Variants in ERICH6B observed in about 807,000 individuals in gnomAD.
ERICH6B encodes the protein glutamate-rich protein 6B.
Under a neutral mutation model 80.0 loss-of-function variants are expected in ERICH6B, and 69 were observed. The observed-to-expected ratio is 0.86, with a 90% CI of 0.71 to 1.05. ERICH6B has a LOEUF of 1.05. ERICH6B is among the 50% of genes least tolerant of loss of function. The pLI, the probability that ERICH6B is intolerant of heterozygous loss-of-function variation, is 0.00. For missense variants in ERICH6B, 754 were observed against 796.1 expected (o/e 0.95, Z 0.64); for synonymous variants, 283 against 291.9 (o/e 0.97, Z 0.31).
chr13:45,575,404 T>A (rs1490250740), intron 7 of ERICH6B, among the ~76,000 whole-genome samples: 2 of 151,914 alleles, frequency 1.3e-5, no homozygotes, highest in Admixed American at 6.6e-5. Context: ...AAGTTGCACA[T>A]CCCGAGGGGA....
At chr13:45,573,424 T>C (rs1450911288) in intron 8 of ERICH6B, among the ~76,000 whole-genome samples, 1 of 152,234 alleles carries the variant, frequency 6.6e-6, no homozygotes, top group Non-Finnish European at 1.5e-5. Flanking sequence ...ACAGCAGTTA[T>C]TTCATTAAGG....
At chr13:45,562,767 T>G (rs920110473) in intron 10 of ERICH6B, among the ~76,000 whole-genome samples, 1 of 152,084 alleles carries the variant, frequency 6.6e-6, no homozygotes, top group Non-Finnish European at 1.5e-5. Context: ...AAGCACTGTG[T>G]GGTTGGAGGC....
In ERICH6B at chr13:45,580,006, A is replaced by G. The variant is rs140020807; in HGVS notation, c.920-32T>C. On this transcript the variant is annotated intron_variant, in intron 6 of 14. Transcript: ENST00000298738. ...AAGAATAAGAAAAATTATTAACAGG[A>G]TACGGTATAGTGAACTAGTCCAGAC... 1.1e-5 allele frequency: 16 copies of G among 1,506,850 alleles called. No individual in the cohort carries two copies. The African/African-American group carries it at 1.9e-4, about 18-fold the overall frequency. 93.3% of individuals were successfully genotyped at this position (1,506,850 alleles called of 1,614,324 possible). A position where few individuals can be genotyped will look rare whatever the true frequency, so the allele number is the denominator to read the frequency against.
Sources: gnomAD v4.1 joint callset for allele counts (sites outside exome capture counted in the v4.1 genomes callset) on GRCh38, gnomAD v4.1.1 for gene constraint, MANE v1.5 for transcripts, NCBI Gene and HGNC (gene_info 2026-07-23, HGNC 2026-07-21) for gene names.